Variants in TSPAN5 observed in about 807,000 individuals in gnomAD.
TSPAN5 encodes the protein tetraspanin-5.
Under a neutral mutation model 37.1 loss-of-function variants are expected in TSPAN5, and 10 were observed. The observed-to-expected ratio is 0.27, with a 90% CI of 0.17 to 0.46. The LOEUF (loss-of-function observed/expected upper bound fraction) is 0.46, where lower values mean the gene tolerates loss of function less well. Ranked by LOEUF, TSPAN5 falls within the 20% of genes least tolerant of loss-of-function variation. The probability of loss-of-function intolerance (pLI) is 1.00; values close to 1 mark genes in which losing one functional copy is unlikely to be tolerated. For missense variants in TSPAN5, 195 were observed against 326.6 expected (o/e 0.60, Z 3.11); for synonymous variants, 110 against 118.9 (o/e 0.93, Z 0.48).
chr4:98,578,495 G>A (rs1313727375), intron 1 of TSPAN5, among the ~76,000 whole-genome samples: 2 of 151,868 alleles, frequency 1.3e-5, no homozygotes, highest in Non-Finnish European at 2.9e-5. Flanking sequence ...GCACAATCTC[G>A]GCTCACTGCA....
chr4:98,540,963 C>A (rs941872600), intron 1 of TSPAN5, among the ~76,000 whole-genome samples: 2 of 152,202 alleles, frequency 1.3e-5, no homozygotes, highest in African/African-American at 4.8e-5. Flanking sequence ...ACAGGATGAA[C>A]AATTAGCACG....
chr4:98,574,384 A>C (rs1755188818), intron 1 of TSPAN5: 1 of 152,208 alleles, frequency 6.6e-6, no homozygotes, highest in African/African-American at 2.4e-5. Context: ...TGTATAATTT[A>C]AGCCTAATTC....
chr4:98,606,035 T>G (rs926056789), intron 1 of TSPAN5, among the ~76,000 whole-genome samples: 2 of 152,234 alleles, frequency 1.3e-5, no homozygotes, highest in Non-Finnish European at 2.9e-5. Flanking sequence ...AAAGGGACAC[T>G]GAACACTTGT....
At chr4:98,494,763 T>C (rs747695688) in intron 2 of TSPAN5, among the ~76,000 whole-genome samples, 2 of 152,070 alleles carry the variant, frequency 1.3e-5, no homozygotes, top group Non-Finnish European at 2.9e-5. Context: ...ACTGTTTTGC[T>C]CTGGGTACTT....
At chr4:98,537,036 TG>T (rs1754251372) in intron 1 of TSPAN5, among the ~76,000 whole-genome samples, 1 of 152,114 alleles carries the variant, frequency 6.6e-6, no homozygotes, top group African/African-American at 2.4e-5. Context: ...CAGGTGCTAC[TG>T]GGGTATGGAA....
chr4:98,472,628 T>G lies in TSPAN5; in HGVS notation c.742-41A>C, dbSNP rs763834974. 11 of 1,551,658 alleles carry G rather than the reference T, an allele frequency of 7.1e-6. No individual in the cohort carries two copies. In the Admixed American group the frequency reaches 1.5e-4, roughly 21 times the overall value. Reference sequence around the variant, plus strand: ...AATGTGAGTGAAACAGTGACACTTGTAACTTGTTTCCCTGGCCACTGTGTC... The same window carrying G: ...AATGTGAGTGAAACAGTGACACTTGGAACTTGTTTCCCTGGCCACTGTGTC... On this transcript the variant is annotated intron_variant, in intron 7 of 7. Transcript: ENST00000305798.
intron 1 of TSPAN5, among the ~76,000 whole-genome samples, chr4:98,582,176 G>A (rs899437424): frequency 2.6e-4 from 40 of 152,348 alleles, no homozygotes; most frequent in African/African-American, 8.9e-4. Flanking sequence ...GCAAGTGATT[G>A]CGGTTCTCTT....
intron 1 of TSPAN5, among the ~76,000 whole-genome samples, chr4:98,541,694 AAGAG>A (rs1553912684): frequency 9.4e-5 from 9 of 95,270 alleles, no homozygotes; most frequent in Middle Eastern, 5.4e-3. Flanking sequence ...AAAAAAAAAA[AAGAG>A]AGAGAGAGAG....
At chr4:98,656,673 C>T (rs1001722920) in intron 1 of TSPAN5, among the ~76,000 whole-genome samples, 2 of 152,170 alleles carry the variant, frequency 1.3e-5, no homozygotes, top group African/African-American at 2.4e-5. Flanking sequence ...GATATGACAT[C>T]CATTCATGTG....
intron 2 of TSPAN5, among the ~76,000 whole-genome samples, chr4:98,491,685 TAAAA>T: frequency 7.2e-6 from 1 of 138,994 alleles, no homozygotes; most frequent in African/African-American, 2.7e-5. Flanking sequence ...AGACTCTGTC[TAAAA>T]AAAAAAAAAA....
rs115587322 is a variant in TSPAN5 at position 98,644,200 on chromosome 4, G to A, written c.81+13946C>T. ...TTTGTTGAAAACACTTATTTTAAAT[G>A]TTGTCCTAAGGGGGAAAGGCCGGTA... On this transcript the variant is annotated intron_variant, in intron 1 of 7. Coordinates refer to ENST00000305798, the MANE Select transcript of TSPAN5 (RefSeq NM_005723.4). Among the ~76,000 whole-genome samples, 251 of 151,882 alleles carry A rather than the reference G, an allele frequency of 1.7e-3. 1 individual carries two copies. Among genetic ancestry groups the A allele is most frequent in the African/African-American group, 5.9e-3 (243 of 41,378 alleles).
intron 1 of TSPAN5, among the ~76,000 whole-genome samples, chr4:98,536,154 C>A (rs986668664): frequency 7.9e-5 from 12 of 152,130 alleles, no homozygotes; most frequent in Non-Finnish European, 1.6e-4. Flanking sequence ...GGTTTCTCCC[C>A]ATCTTTGTGG....
At chr4:98,507,453 G>A (rs1401251858) in intron 2 of TSPAN5, among the ~76,000 whole-genome samples, 2 of 152,164 alleles carry the variant, frequency 1.3e-5, no homozygotes, top group Non-Finnish European at 2.9e-5. Context: ...TCTCTGTTGA[G>A]CACGTGTATT....
At chr4:98,533,781 A>G (rs2110132284) in intron 1 of TSPAN5, among the ~76,000 whole-genome samples, 1 of 148,172 alleles carries the variant, frequency 6.7e-6, no homozygotes, top group Non-Finnish European at 1.5e-5. Context: ...CGATCGCCTG[A>G]CCTCGTGATC....
intron 1 of TSPAN5, among the ~76,000 whole-genome samples, chr4:98,569,714 C>A (rs1256320462): frequency 6.6e-6 from 1 of 152,126 alleles, no homozygotes; most frequent in Non-Finnish European, 1.5e-5. Context: ...CCCACCTTGG[C>A]AAGACAGAGA....
At chr4:98,559,755 G>C (rs1371411235) in intron 1 of TSPAN5, among the ~76,000 whole-genome samples, 16 of 152,150 alleles carry the variant, frequency 1.1e-4, no homozygotes, top group Admixed American at 9.8e-4. Context: ...TCAACATCCA[G>C]GTGCTCCTCT....
At chr4:98,491,962 C>A (rs1437777669) in intron 2 of TSPAN5, among the ~76,000 whole-genome samples, 5 of 152,024 alleles carry the variant, frequency 3.3e-5, no homozygotes, top group Admixed American at 6.6e-5. Flanking sequence ...TTAAAACAGG[C>A]ACCAGATTCA....
chr4:98,592,235 G>A (rs1237978145), intron 1 of TSPAN5, among the ~76,000 whole-genome samples: 2 of 149,528 alleles, frequency 1.3e-5, no homozygotes, highest in East Asian at 1.9e-4. Flanking sequence ...AAGTGGAAGA[G>A]AAGCCATTGT....
At position 98,478,742 on chromosome 4, in the gene TSPAN5, G is replaced by A. The variant is rs750619787; in HGVS notation, c.519C>T (p.Ser173=). The A allele has an allele frequency of 6.2e-7, 1 of 1,613,960 alleles. No homozygotes were observed. The highest frequency in any genetic ancestry group is 8.5e-7 in the Non-Finnish European group (1 of 1,180,026). The change falls in exon 5 of 8, where the codon TCC becomes TCT. Residue 173 remains serine, a synonymous_variant. Transcript: ENST00000305798. ...CGCCACATCGCTCTCGACTTGCATT[G>A]GAATCTGTGCAATTGAAGTAAATAT... ...NLNIYFNCTD[S]NASRERCGVP... is the part of the protein sequence containing the mutation.
Sources: gnomAD v4.1 joint callset for allele counts (sites outside exome capture counted in the v4.1 genomes callset) on GRCh38, gnomAD v4.1.1 for gene constraint, MANE v1.5 for transcripts, NCBI Gene and HGNC (gene_info 2026-07-23, HGNC 2026-07-21) for gene names.